AREL1: variants seen among roughly 807,000 people sequenced by gnomAD.
AREL1 encodes the protein apoptosis resistant E3 ubiquitin protein ligase 1, also known as apoptosis-resistant E3 ubiquitin protein ligase 1.
AREL1 carries 62 observed loss-of-function variants against 99.0 expected under a neutral mutation model. That is an observed-to-expected ratio of 0.63 (90% CI 0.51 to 0.77). The LOEUF (loss-of-function observed/expected upper bound fraction) is 0.77. Among genes scored for constraint, AREL1 ranks in the 30% least tolerant of loss-of-function variants. The pLI is 0.00. For synonymous variants in AREL1, 380 were observed against 376.5 expected (o/e 1.01, Z -0.11); for missense variants, 879 against 1,027.6 (o/e 0.86, Z 1.98).
Position 74,669,696 on chromosome 14 carries a change from G to C in AREL1, c.1867C>G (p.Leu623Val), listed in dbSNP as rs759682514. 3 of 1,614,100 alleles carry C rather than the reference G, an allele frequency of 1.9e-6. No homozygotes were observed. Among genetic ancestry groups the C allele is most frequent in the South Asian group, 1.1e-5 (1 of 91,074 alleles). ...ILNNDMSEME[L>V]VFAEEKYNKS... is the part of the protein sequence containing the mutation. Reference sequence around the variant, plus strand: ...TTATATTTCTCTTCTGCAAAGACCAGCTCCATCTCACTCATGTCATTGTTG... The same window carrying C: ...TTATATTTCTCTTCTGCAAAGACCACCTCCATCTCACTCATGTCATTGTTG... The change falls in exon 15 of 20, where the codon CTG becomes GTG. Residue 623 changes from leucine to valine, a missense_variant. Physicochemically the swap from Leu to Val is conservative, Grantham distance 32 (BLOSUM62 1). Transcript: ENST00000356357.
At chr14:74,711,175 G>A (rs1467258295) in intron 1 of AREL1, among the ~76,000 whole-genome samples, 2 of 150,134 alleles carry the variant, frequency 1.3e-5, no homozygotes, top group Non-Finnish European at 2.9e-5. Flanking sequence ...AGGTTGCAGT[G>A]AGCCGAGATT....
chr14:74,699,348 G>GGTGTGT (rs770359342), intron 1 of AREL1, among the ~76,000 whole-genome samples: 2,061 of 143,482 alleles, frequency 0.014, 40 homozygotes, highest in African/African-American at 0.044. Flanking sequence ...GACAGTGAGG[G>GGTGTGT]GTGTGTGTGT....
chr14:74,706,208 T>A (rs1349325415), intron 1 of AREL1, among the ~76,000 whole-genome samples: 1 of 152,194 alleles, frequency 6.6e-6, no homozygotes, highest in African/African-American at 2.4e-5. Context: ...GAATCTTGGC[T>A]ATAACAGGAA....
At chr14:74,680,939 T>A (rs971344379) in intron 5 of AREL1, among the ~76,000 whole-genome samples, 8 of 152,132 alleles carry the variant, frequency 5.3e-5, no homozygotes, top group African/African-American at 1.9e-4. Flanking sequence ...TCCCAGCACC[T>A]TGGGAGGCCA....
chr14:74,687,930 A>T (rs2089782212), intron 2 of AREL1, among the ~76,000 whole-genome samples: 1 of 151,750 alleles, frequency 6.6e-6, no homozygotes, highest in South Asian at 2.1e-4. Flanking sequence ...AGTTCTTTAT[A>T]CTATTCTAAT....
At chr14:74,666,664 T>C (rs1214034772) in intron 17 of AREL1, among the ~76,000 whole-genome samples, 2 of 150,792 alleles carry the variant, frequency 1.3e-5, no homozygotes, top group African/African-American at 5.0e-5. Flanking sequence ...CTCCCTTAAA[T>C]GTCATAGGAT....
Position 74,664,089 on chromosome 14 carries a change from A to G in AREL1, c.2194-15T>C. On this transcript the variant is annotated splice_polypyrimidine_tract_variant and intron_variant, in intron 18 of 19. Transcript: ENST00000356357. ...CACCTCATGACCTGGCAGGGAGAGC[A>G]CAAGGCTGGGATCACACACAGTAAA... The G allele has an allele frequency of 6.2e-7, 1 of 1,609,656 alleles. No homozygotes were observed.
At chr14:74,709,330 T>C (rs755014231) in intron 1 of AREL1, among the ~76,000 whole-genome samples, 46 of 152,188 alleles carry the variant, frequency 3.0e-4, no homozygotes, top group African/African-American at 1.1e-3. Context: ...ATCTGATCTA[T>C]TACATGGTAC....
chr14:74,684,613 A>G lies in AREL1; in HGVS notation c.84T>C (p.Arg28=). Residue 28 remains arginine (R), a synonymous_variant, in exon 4 of 20, where the codon CGT becomes CGC. Transcript: ENST00000356357. ...CCTCATTCTGGAGGAAGCTGACTAC[A>G]CGTGCGGCAAGCTCAAAGAGGAACT... ...TIKFLFELAA[R]VVSFLQNEDR... is the part of the protein sequence containing the mutation. 6.2e-7 allele frequency: 1 copy of G among 1,614,230 alleles called. No individual in the cohort carries two copies. Among genetic ancestry groups the G allele is most frequent in the Non-Finnish European group, 8.5e-7 (1 of 1,180,032 alleles).
chr14:74,689,047 C>T (rs908570677), intron 2 of AREL1, among the ~76,000 whole-genome samples: 1 of 150,964 alleles, frequency 6.6e-6, no homozygotes, highest in Non-Finnish European at 1.5e-5. Flanking sequence ...AGGGTTTCAC[C>T]ATGTCAGCCA....
At chr14:74,686,830 A>C (rs937783941) in intron 2 of AREL1, among the ~76,000 whole-genome samples, 2 of 152,230 alleles carry the variant, frequency 1.3e-5, no homozygotes, top group Non-Finnish European at 2.9e-5. Flanking sequence ...AAAGAAATCC[A>C]CACTGGGAAC....
intron 1 of AREL1, among the ~76,000 whole-genome samples, chr14:74,698,567 G>A (rs1446395818): frequency 1.3e-5 from 2 of 152,152 alleles, no homozygotes; most frequent in African/African-American, 4.8e-5. Context: ...AATAAGACAG[G>A]GTGCTTTCTT....
chr14:74,684,737 T>C (rs2089712864), intron 3 of AREL1, 57 bp from the exon 4 acceptor site: 1 of 1,504,752 alleles, frequency 6.6e-7, no homozygotes, highest in Non-Finnish European at 9.2e-7. Context: ...CAGCTTTTCA[T>C]TATGCAACAG....
At chr14:74,685,768 C>A in intron 2 of AREL1, 108 bp from the exon 3 acceptor site, 1 of 891,804 alleles carries the variant, frequency 1.1e-6, no homozygotes, top group South Asian at 1.6e-5. Context: ...TCTCTCTAGT[C>A]CAGAGCCTTA....
intron 14 of AREL1, 45 bp from the exon 15 acceptor site, chr14:74,669,819 C>T: frequency 1.2e-6 from 2 of 1,609,556 alleles, no homozygotes; most frequent in Non-Finnish European, 1.7e-6. Context: ...ATACTCTTGC[C>T]CTGAAAGGTG....
chr14:74,663,272 T>C lies in AREL1; in HGVS notation c.*448A>G, dbSNP rs1467230311. 8.7e-6 allele frequency: 2 copies of C among 230,324 alleles called. No homozygotes were observed. The highest frequency in any genetic ancestry group is 9.4e-5 in the East Asian group (1 of 10,654). 14.3% of individuals were successfully genotyped at this position (230,324 alleles called of 1,614,324 possible). A position where few individuals can be genotyped will look rare whatever the true frequency, so the allele number is the denominator to read the frequency against. On this transcript the variant is annotated 3_prime_UTR_variant, in exon 20 of 20. Transcript: ENST00000356357. The stretch of plus-strand genomic sequence containing the variant: ...TGAGAAGAGGCAATCACCCCACCCA[T>C]GAGAAGGACTCAAGTACCAGTCTGG...
chr14:74,665,579 C>G (rs1201916755), intron 17 of AREL1, among the ~76,000 whole-genome samples: 3 of 152,116 alleles, frequency 2.0e-5, no homozygotes, highest in Non-Finnish European at 2.9e-5. Flanking sequence ...TTGTCAATGA[C>G]CTTTCCTTTT....
intron 17 of AREL1, among the ~76,000 whole-genome samples, chr14:74,665,192 C>G (rs2089186660): frequency 6.6e-6 from 1 of 151,796 alleles, no homozygotes; most frequent in South Asian, 2.1e-4. Flanking sequence ...TACCTGGGAC[C>G]TCTAAATCTG....
At chr14:74,712,844 AC>A (rs2090340208) in intron 1 of AREL1, 88 bp downstream of exon 1, 1 of 438,834 alleles carries the variant, frequency 2.3e-6, no homozygotes, top group South Asian at 2.1e-5. Flanking sequence ...AGGAGTCTGA[AC>A]CCCCCTACCC....
Sources: allele counts gnomAD v4.1 joint callset (sites outside exome capture counted in the v4.1 genomes callset), GRCh38; gene constraint gnomAD v4.1.1; transcripts MANE v1.5; gene names NCBI Gene and HGNC (gene_info 2026-07-23, HGNC 2026-07-21).